Variants in NAALADL2 observed in about 807,000 individuals in gnomAD.
NAALADL2 encodes inactive N-acetylated-alpha-linked acidic dipeptidase-like protein 2.
A neutral mutation model predicts 87.2 loss-of-function variants in NAALADL2; 76 were observed. The observed-to-expected ratio is 0.87, with a 90% CI of 0.72 to 1.05. The LOEUF is 1.05. Ranked by LOEUF, NAALADL2 falls within the 50% of genes least tolerant of loss-of-function variation. NAALADL2 has a pLI of 0.00. For synonymous variants in NAALADL2, 354 were observed against 331.0 expected (o/e 1.07, Z -0.75); for missense variants, 1,089 against 945.8 (o/e 1.15, Z -1.99).
intron 11 of NAALADL2, among the ~76,000 whole-genome samples, chr3:175,646,907 G>A (rs1730088183): frequency 6.6e-6 from 1 of 152,034 alleles, no homozygotes; most frequent in Non-Finnish European, 1.5e-5. Flanking sequence ...AGATAATGCT[G>A]CAGTAACAAG....
chr3:175,726,617 A>G (rs987874900), intron 11 of NAALADL2, among the ~76,000 whole-genome samples: 1 of 152,134 alleles, frequency 6.6e-6, no homozygotes, highest in Non-Finnish European at 1.5e-5. Flanking sequence ...CTACAGTGGT[A>G]GCTGACTTGA....
At chr3:175,158,471 T>A (rs1336140621) in intron 2 of NAALADL2, among the ~76,000 whole-genome samples, 2 of 152,098 alleles carry the variant, frequency 1.3e-5, no homozygotes, top group African/African-American at 4.8e-5. Flanking sequence ...ATTGGACCTG[T>A]TTGAAAATTG....
chr3:175,297,027 C>T (rs1427819920), intron 4 of NAALADL2, among the ~76,000 whole-genome samples: 1 of 152,042 alleles, frequency 6.6e-6, no homozygotes, highest in East Asian at 1.9e-4. Context: ...GGAGGATGAG[C>T]CAAATCTGAC....
At chr3:174,785,231 A>T (rs769721177) in intron 3 of NAALADL2, among the ~76,000 whole-genome samples, 4 of 152,030 alleles carry the variant, frequency 2.6e-5, no homozygotes, top group Non-Finnish European at 4.4e-5. Context: ...CCCTTTGTCC[A>T]TGAGTGCTAA....
chr3:175,078,759 T>A (rs1228333439), intron 1 of NAALADL2, among the ~76,000 whole-genome samples: 2 of 152,252 alleles, frequency 1.3e-5, no homozygotes, highest in Non-Finnish European at 2.9e-5. Context: ...TTACTATGTA[T>A]CAGTACTTAA....
Position 174,724,481 on chromosome 3 carries a change from T to C in NAALADL2, c.-114-13160T>C, listed in dbSNP as rs191399268. On this transcript the variant is annotated intron_variant, in intron 2 of 3. Transcript: ENST00000434257. ...ATGTTTATATTCATATGTATTTTGC[T>C]TTTTTAGGAGAATATTGCTATTTTA... is the stretch of plus-strand genomic sequence containing the variant. 7.2e-5 allele frequency among the ~76,000 whole-genome samples: 11 copies of C among 152,266 alleles called. No individual in the cohort carries two copies. The East Asian group carries it at 2.1e-3, about 29-fold the overall frequency.
intron 1 of NAALADL2, among the ~76,000 whole-genome samples, chr3:174,997,518 G>T (rs1747662137): frequency 6.6e-6 from 1 of 152,018 alleles, no homozygotes; most frequent in African/African-American, 2.4e-5. Context: ...GCTAAATTGT[G>T]AAGAAGGTTA....
rs1317049254 is a variant in NAALADL2 at position 175,013,293 on chromosome 3, A to ATT, written c.44-83496_44-83495insTT. 1.1e-3 allele frequency among the ~76,000 whole-genome samples: 85 copies of ATT among 79,744 alleles called. 2 individuals carry two copies. The highest frequency in any genetic ancestry group is 4.4e-3 in the African/African-American group (53 of 12,072). 52.3% of individuals were successfully genotyped at this position (79,744 alleles called of 152,430 possible). A position where few individuals can be genotyped will look rare whatever the true frequency, so the allele number is the denominator to read the frequency against. ...TATATATATACATATATATATATAT[A>ATT]TATATATATTTTTTTTTTTTTTTGA... On this transcript the variant is annotated intron_variant, in intron 1 of 13. Coordinates refer to ENST00000454872, the MANE Select transcript of NAALADL2 (RefSeq NM_207015.3).
intron 5 of NAALADL2, among the ~76,000 whole-genome samples, chr3:175,435,815 C>T (rs1305085186): frequency 6.6e-6 from 1 of 150,770 alleles, no homozygotes; most frequent in African/African-American, 2.4e-5. Flanking sequence ...AAGGAAGACC[C>T]AAATTAATAT....
chr3:175,717,565 G>A (rs1741484036), intron 11 of NAALADL2, among the ~76,000 whole-genome samples: 1 of 151,506 alleles, frequency 6.6e-6, no homozygotes. Context: ...AGTGGCGCAG[G>A]CCTGTGGTCC....
At chr3:175,525,644 CA>C (rs1173487656) in intron 9 of NAALADL2, among the ~76,000 whole-genome samples, 2 of 151,788 alleles carry the variant, frequency 1.3e-5, no homozygotes, top group African/African-American at 4.8e-5. Context: ...GTGAGTTTTT[CA>C]AAAATTGATG....
At chr3:175,194,371 A>C (rs1033848683) in intron 2 of NAALADL2, among the ~76,000 whole-genome samples, 40 of 151,948 alleles carry the variant, frequency 2.6e-4, no homozygotes, top group African/African-American at 9.6e-4. Context: ...CCTCATCCCT[A>C]CCAAAAAGGA....
chr3:175,433,750 G>A (rs1222557833), intron 5 of NAALADL2, among the ~76,000 whole-genome samples: 1 of 151,702 alleles, frequency 6.6e-6, no homozygotes, highest in Non-Finnish European at 1.5e-5. Flanking sequence ...GTACTTCGAA[G>A]AAATGTACAT....
intron 1 of NAALADL2, among the ~76,000 whole-genome samples, chr3:175,012,476 A>G (rs2108811787): frequency 6.6e-6 from 1 of 152,222 alleles, no homozygotes; most frequent in South Asian, 2.1e-4. Context: ...CCCATAAATT[A>G]ATTGAGAAAT....
intron 2 of NAALADL2, among the ~76,000 whole-genome samples, chr3:175,204,865 A>G (rs1740585182): frequency 6.6e-6 from 1 of 152,038 alleles, no homozygotes; most frequent in Non-Finnish European, 1.5e-5. Context: ...AAATAATAAT[A>G]ATAAAATAAA....
intron 13 of NAALADL2, among the ~76,000 whole-genome samples, chr3:175,772,372 A>G (rs1390827487): frequency 6.6e-6 from 1 of 152,130 alleles, no homozygotes; most frequent in Non-Finnish European, 1.5e-5. Flanking sequence ...TCCCTGATAA[A>G]CTACAATAAG....
At chr3:175,470,529 A>G (rs1386556894) in intron 8 of NAALADL2, among the ~76,000 whole-genome samples, 1 of 152,206 alleles carries the variant, frequency 6.6e-6, no homozygotes, top group Non-Finnish European at 1.5e-5. Context: ...GGATGACATT[A>G]TCTATTTGGC....
At chr3:175,748,607 G>T (rs184635137) in intron 12 of NAALADL2, among the ~76,000 whole-genome samples, 1 of 152,238 alleles carries the variant, frequency 6.6e-6, no homozygotes, top group African/African-American at 2.4e-5. Context: ...TAAAGAAAAA[G>T]CTTACATTTG....
chr3:174,655,848 C>T (rs1488905694), intron 2 of NAALADL2, among the ~76,000 whole-genome samples: 1 of 152,084 alleles, frequency 6.6e-6, no homozygotes, highest in Non-Finnish European at 1.5e-5. Flanking sequence ...TTTTAAAACA[C>T]ATTTTAACAT....
Sources: allele counts gnomAD v4.1 joint callset (sites outside exome capture counted in the v4.1 genomes callset), GRCh38; gene constraint gnomAD v4.1.1; transcripts MANE v1.5; gene names NCBI Gene and HGNC (gene_info 2026-07-23, HGNC 2026-07-21).